Variants in SAMTOR observed in about 807,000 individuals in gnomAD.
The protein encoded by SAMTOR is UPF0532 protein C7orf60.
the SAMTOR span, among the ~76,000 whole-genome samples, chr7:112,863,412 C>T: frequency 6.6e-6 from 1 of 152,014 alleles, no homozygotes; most frequent in Admixed American, 6.6e-5. Flanking sequence ...AGCAGTTGCA[C>T]AAAAGCAAAA....
chr7:112,878,119 C>T, the SAMTOR span, among the ~76,000 whole-genome samples: 2 of 152,122 alleles, frequency 1.3e-5, no homozygotes, highest in Non-Finnish European at 2.9e-5. Context: ...TCTGCGCTTC[C>T]CATTTCATCA....
At chr7:112,899,608 ACT>A in the SAMTOR span, among the ~76,000 whole-genome samples, 2 of 152,034 alleles carry the variant, frequency 1.3e-5, no homozygotes, top group Admixed American at 6.6e-5. Context: ...CCCAAATAAG[ACT>A]ACCTTCAAGG....
the SAMTOR span, among the ~76,000 whole-genome samples, chr7:112,832,313 T>C: frequency 3.3e-5 from 5 of 152,110 alleles, no homozygotes; most frequent in African/African-American, 9.7e-5. Flanking sequence ...CCATGCCCAG[T>C]TGAAGTTTCT....
the SAMTOR span, among the ~76,000 whole-genome samples, chr7:112,911,357 T>C: frequency 6.6e-6 from 1 of 152,148 alleles, no homozygotes; most frequent in Non-Finnish European, 1.5e-5. Context: ...AGAAGTGAAT[T>C]GAAACCACCT....
chr7:112,921,397 T>G, the SAMTOR span, among the ~76,000 whole-genome samples: 7 of 151,212 alleles, frequency 4.6e-5, no homozygotes, highest in African/African-American at 1.7e-4. Flanking sequence ...TAGCCATATG[T>G]AGAAAGCTGA....
the SAMTOR span, among the ~76,000 whole-genome samples, chr7:112,888,118 G>C: frequency 6.6e-6 from 1 of 152,032 alleles, no homozygotes; most frequent in African/African-American, 2.4e-5. Flanking sequence ...AATTTGATGA[G>C]GTATGTTTTC....
chr7:112,925,143 T>C, the SAMTOR span, among the ~76,000 whole-genome samples: 4 of 152,192 alleles, frequency 2.6e-5, no homozygotes, highest in Admixed American at 6.5e-5. Flanking sequence ...AGTCTCTAAA[T>C]AGAACTTCAG....
the SAMTOR span, chr7:112,821,172 A>G: frequency 6.6e-6 from 1 of 152,520 alleles, no homozygotes; most frequent in Non-Finnish European, 1.5e-5. Flanking sequence ...TATAAGGAAG[A>G]AATAAAAAGA....
chr7:112,833,023 A>G, the SAMTOR span, among the ~76,000 whole-genome samples: 1 of 152,204 alleles, frequency 6.6e-6, no homozygotes. Flanking sequence ...GTGATCCTCC[A>G]GCCTCAGCTC....
At chr7:112,891,707 G>A in the SAMTOR span, among the ~76,000 whole-genome samples, 99 of 152,294 alleles carry the variant, frequency 6.5e-4, 1 homozygote, top group East Asian at 0.014. Flanking sequence ...CATAGTCTAT[G>A]AAGTGTGCAA....
At chr7:112,836,026 T>C in the SAMTOR span, among the ~76,000 whole-genome samples, 1 of 152,192 alleles carries the variant, frequency 6.6e-6, no homozygotes, top group South Asian at 2.1e-4. Context: ...CTGAGTCTAG[T>C]GGTAATTTTG....
chr7:112,939,473 G>A, the SAMTOR span: 1 of 1,463,466 alleles, frequency 6.8e-7, no homozygotes. Flanking sequence ...AGCAGCGGCT[G>A]GGGGGACGTG....
the SAMTOR span, among the ~76,000 whole-genome samples, chr7:112,922,495 C>A: frequency 6.6e-6 from 1 of 151,656 alleles, no homozygotes; most frequent in African/African-American, 2.4e-5. Context: ...GGCCGCCATC[C>A]CATCTAGGAA....
At chr7:112,862,234 G>T in the SAMTOR span, among the ~76,000 whole-genome samples, 1 of 152,168 alleles carries the variant, frequency 6.6e-6, no homozygotes. Context: ...CAGCCTGGGC[G>T]ACAGGAATGA....
At chr7:112,854,745 G>C in the SAMTOR span, among the ~76,000 whole-genome samples, 1 of 152,232 alleles carries the variant, frequency 6.6e-6, no homozygotes, top group South Asian at 2.1e-4. Context: ...CTATCTTACA[G>C]ACCTTTTCTG....
the SAMTOR span, among the ~76,000 whole-genome samples, chr7:112,921,572 G>A: frequency 2.0e-5 from 3 of 146,798 alleles, no homozygotes; most frequent in African/African-American, 7.6e-5. Flanking sequence ...AAAAGCAATG[G>A]CAACAAAAGC....
chr7:112,908,058 T>C, the SAMTOR span, among the ~76,000 whole-genome samples: 3 of 152,182 alleles, frequency 2.0e-5, no homozygotes, highest in Non-Finnish European at 4.4e-5. Flanking sequence ...CTATTTGTAG[T>C]AGCAAAAGCT....
At chr7:112,868,669 C>A in the SAMTOR span, among the ~76,000 whole-genome samples, 1 of 152,182 alleles carries the variant, frequency 6.6e-6, no homozygotes, top group Non-Finnish European at 1.5e-5. Context: ...GTTTGGCCAC[C>A]TGGCAACAGC....
the SAMTOR span, among the ~76,000 whole-genome samples, chr7:112,848,822 G>C: frequency 6.6e-6 from 1 of 152,124 alleles, no homozygotes; most frequent in African/African-American, 2.4e-5. Flanking sequence ...AGGCCGAGGT[G>C]GGCGATCACG....
Sources: allele counts gnomAD v4.1 joint callset (sites outside exome capture counted in the v4.1 genomes callset), GRCh38; gene constraint gnomAD v4.1.1; transcripts MANE v1.5; gene names NCBI Gene and HGNC (gene_info 2026-07-23, HGNC 2026-07-21).